The following KSR2 variants were observed in gnomAD, a reference collection of about 807,000 sequenced individuals.
KSR2 encodes the protein kinase suppressor of ras 2.
KSR2 carries 25 observed loss-of-function variants against 107.8 expected under a neutral mutation model. The ratio of observed to expected loss-of-function variants is 0.23; its 90% CI spans 0.17 to 0.32. The LOEUF (loss-of-function observed/expected upper bound fraction) is 0.32, where lower values mean the gene tolerates loss of function less well. KSR2 is among the 10% of genes least tolerant of loss of function. The pLI, the probability that KSR2 is intolerant of heterozygous loss-of-function variation, is 1.00. For missense variants in KSR2, 887 were observed against 1,268.9 expected, an observed-to-expected ratio of 0.70 and a Z score of 4.57; for synonymous variants, 480 against 507.0, an observed-to-expected ratio of 0.95 and a Z score of 0.71.
Position 117,761,288 on chromosome 12 carries a change from G to A in KSR2, c.709C>T (p.Pro237Ser). 6.6e-7 allele frequency: 1 copy of A among 1,519,068 alleles called. No homozygotes were observed. Among genetic ancestry groups the A allele is most frequent in the African/African-American group, 1.4e-5 (1 of 71,862 alleles). The allele number at this position is 1,519,068 out of a possible 1,614,324, so 94.1% of individuals were successfully genotyped here. A position where few individuals can be genotyped will look rare whatever the true frequency, so the allele number is the denominator to read the frequency against. ...TGGCCCGACTCCAGTGGCGGGGGCG[G>A]GCACAAGCCCGGGTAGGCGTCCACG... ...LTVDAYPGLC[P>S]PPPLESGHRS... Residue 237 changes from proline (P) to serine (S), a missense_variant, in exon 4 of 20, where the codon CCG (proline) becomes TCG (serine). Pro to Ser is a moderately conservative substitution (Grantham distance 74). Coordinates refer to ENST00000339824, the MANE Select transcript of KSR2 (RefSeq NM_173598.6).
At chr12:117,751,337 T>C (rs1460444947) in intron 4 of KSR2, among the ~76,000 whole-genome samples, 2 of 152,238 alleles carry the variant, frequency 1.3e-5, no homozygotes, top group Admixed American at 6.5e-5. Flanking sequence ...ATGTCTTCAT[T>C]AGCAGCGTGA....
intron 1 of KSR2, among the ~76,000 whole-genome samples, chr12:117,922,786 C>G (rs1895381279): frequency 6.6e-6 from 1 of 152,190 alleles, no homozygotes; most frequent in Non-Finnish European, 1.5e-5. Flanking sequence ...TCATGGAGCT[C>G]ACAATTGAGT....
intron 4 of KSR2, among the ~76,000 whole-genome samples, chr12:117,723,986 T>A (rs9651900): frequency 6.6e-6 from 1 of 152,106 alleles, no homozygotes; most frequent in Non-Finnish European, 1.5e-5. Flanking sequence ...CTTTAAAACA[T>A]AATATGTTTT....
chr12:117,570,254 G>A (rs1278262054), intron 7 of KSR2, among the ~76,000 whole-genome samples: 7 of 152,062 alleles, frequency 4.6e-5, no homozygotes, highest in African/African-American at 1.5e-4. Flanking sequence ...CGCCCGCCTC[G>A]GCCTCCCAAA....
chr12:117,894,695 C>T (rs1481210182), intron 1 of KSR2, among the ~76,000 whole-genome samples: 1 of 133,694 alleles, frequency 7.5e-6, no homozygotes, highest in Non-Finnish European at 1.6e-5. Flanking sequence ...TTCCCCCTCC[C>T]CCTCCCCATC....
chr12:117,512,940 A>T (rs1334141401), intron 14 of KSR2, among the ~76,000 whole-genome samples: 1 of 152,094 alleles, frequency 6.6e-6, no homozygotes, highest in Non-Finnish European at 1.5e-5. Flanking sequence ...TCTAGACAAC[A>T]AAAAAAGCAA....
chr12:117,606,627 T>A (rs1487338841), intron 5 of KSR2, among the ~76,000 whole-genome samples: 1 of 88,638 alleles, frequency 1.1e-5, no homozygotes, highest in Non-Finnish European at 2.1e-5. Context: ...TCCCTCCCTT[T>A]CTTCCCTACT....
chr12:117,968,058 C>T lies in KSR2; in HGVS notation c.180+18G>A, dbSNP rs1249524440. 24 of 655,596 alleles carry T rather than the reference C, an allele frequency of 3.7e-5. No individual in the cohort carries two copies. Among genetic ancestry groups the T allele is most frequent in the South Asian group, 3.9e-5 (2 of 51,176 alleles). The allele number at this position is 655,596 out of a possible 1,614,324, so 40.6% of individuals were successfully genotyped here. A position where few individuals can be genotyped will look rare whatever the true frequency, so the allele number is the denominator to read the frequency against. On this transcript the variant is annotated intron_variant, in intron 1 of 19. Coordinates refer to ENST00000339824, the MANE Select transcript of KSR2 (RefSeq NM_173598.6). ...TTTTTTTTTTTTTTTTTTTTTTTTT[C>T]CCGTAGGCAACACCTACCTCCAGGG...
At chr12:117,811,403 A>T (rs909796615) in intron 3 of KSR2, among the ~76,000 whole-genome samples, 1 of 152,216 alleles carries the variant, frequency 6.6e-6, no homozygotes, top group East Asian at 1.9e-4. Context: ...GTCCAGCAGC[A>T]TCGGCAACAC....
At chr12:117,769,748 T>C (rs1198668679) in intron 3 of KSR2, among the ~76,000 whole-genome samples, 1 of 152,172 alleles carries the variant, frequency 6.6e-6, no homozygotes, top group Non-Finnish European at 1.5e-5. Context: ...GACACAGAGC[T>C]CACACTCAAG....
At chr12:117,927,226 A>G (rs1895547242) in intron 1 of KSR2, among the ~76,000 whole-genome samples, 1 of 151,852 alleles carries the variant, frequency 6.6e-6, no homozygotes, top group Admixed American at 6.6e-5. Flanking sequence ...AAATACAAAA[A>G]TTAGCTGGGT....
intron 5 of KSR2, among the ~76,000 whole-genome samples, chr12:117,618,483 C>G (rs1882002268): frequency 6.6e-6 from 1 of 152,034 alleles, no homozygotes; most frequent in South Asian, 2.1e-4. Context: ...TCCTCTGTGC[C>G]TCCTTTCTTT....
At chr12:117,753,955 TG>T (rs1888698343) in intron 4 of KSR2, among the ~76,000 whole-genome samples, 1 of 71,624 alleles carries the variant, frequency 1.4e-5, no homozygotes, top group African/African-American at 4.7e-5. Flanking sequence ...AGCGTGTGTG[TG>T]TGTGTGTGTG....
At chr12:117,843,977 G>A (rs960970613) in intron 3 of KSR2, among the ~76,000 whole-genome samples, 15 of 139,516 alleles carry the variant, frequency 1.1e-4, no homozygotes, top group Admixed American at 3.9e-4. Context: ...CTCTTCCTAC[G>A]GTCGTATAAG....
chr12:117,722,079 G>A (rs545734070), intron 4 of KSR2, among the ~76,000 whole-genome samples: 31 of 152,042 alleles, frequency 2.0e-4, no homozygotes, highest in African/African-American at 7.2e-4. Flanking sequence ...GTCTCGCTAT[G>A]TTGCCCAAGT....
At chr12:117,674,659 C>A (rs997550674) in intron 4 of KSR2, among the ~76,000 whole-genome samples, 2 of 152,198 alleles carry the variant, frequency 1.3e-5, no homozygotes, top group African/African-American at 4.8e-5. Flanking sequence ...GAGGGTCATC[C>A]ATGTTCTAGC....
chr12:117,864,367 A>G lies in KSR2; in HGVS notation c.181-3936T>C, dbSNP rs77927636. On this transcript the variant is annotated intron_variant, in intron 1 of 19. Transcript: ENST00000339824. The stretch of plus-strand genomic sequence containing the variant: ...TAAATCCTGTGGTATTGGTTTGGGA[A>G]GAGTTACCCCATACATATAGATATA... Among the ~76,000 whole-genome samples, 991 of 152,350 alleles carry G rather than the reference A, an allele frequency of 6.5e-3. 57 individuals are homozygous for G. The East Asian group carries it at 0.13, about 20-fold the overall frequency.
intron 5 of KSR2, among the ~76,000 whole-genome samples, chr12:117,614,215 C>T (rs892483993): frequency 6.6e-6 from 1 of 152,014 alleles, no homozygotes; most frequent in South Asian, 2.1e-4. Flanking sequence ...ACTATATGTA[C>T]AGAAAAAAAC....
chr12:117,701,488 C>T (rs1886310174), intron 4 of KSR2, among the ~76,000 whole-genome samples: 1 of 152,074 alleles, frequency 6.6e-6, no homozygotes. Context: ...AGATCAAATT[C>T]TTTAGCATCA....
Sources: allele counts gnomAD v4.1 joint callset (sites outside exome capture counted in the v4.1 genomes callset), GRCh38; gene constraint gnomAD v4.1.1; transcripts MANE v1.5; gene names NCBI Gene and HGNC (gene_info 2026-07-23, HGNC 2026-07-21).